DCDC2C: variants seen among roughly 807,000 people sequenced by gnomAD.
DCDC2C encodes the protein doublecortin domain containing 2C, also known as doublecortin domain-containing protein 2C.
A neutral mutation model predicts 45.0 loss-of-function variants in DCDC2C; 44 were observed. The ratio of observed to expected loss-of-function variants is 0.98; its 90% CI spans 0.77 to 1.26. DCDC2C has a LOEUF of 1.26. Ranked by LOEUF, DCDC2C falls within the 50% of genes most tolerant of loss-of-function variation. The pLI, the probability that DCDC2C is intolerant of heterozygous loss-of-function variation, is 0.00. For synonymous variants in DCDC2C, 187 were observed against 178.8 expected (o/e 1.05, Z -0.37); for missense variants, 447 against 468.9 (o/e 0.95, Z 0.43).
At chr2:3,817,617 G>A (rs1572639055) in intron 10 of DCDC2C, among the ~76,000 whole-genome samples, 1 of 152,214 alleles carries the variant, frequency 6.6e-6, no homozygotes, top group East Asian at 1.9e-4. Flanking sequence ...GCAGACATGA[G>A]GGCTAGGCTA....
intron 10 of DCDC2C, among the ~76,000 whole-genome samples, chr2:3,800,163 A>C (rs1311451419): frequency 6.6e-6 from 1 of 152,186 alleles, no homozygotes; most frequent in Non-Finnish European, 1.5e-5. Flanking sequence ...TTCTCTGACT[A>C]GGAAAGGGAA....
At chr2:3,728,565 A>T (rs887291836) in intron 3 of DCDC2C, among the ~76,000 whole-genome samples, 2 of 152,148 alleles carry the variant, frequency 1.3e-5, no homozygotes, top group Non-Finnish European at 2.9e-5. Context: ...TTTTTCAATG[A>T]GAAACCAACA....
intron 10 of DCDC2C, among the ~76,000 whole-genome samples, chr2:3,790,778 C>T (rs965448069): frequency 3.3e-5 from 5 of 152,016 alleles, no homozygotes; most frequent in South Asian, 2.1e-4. Flanking sequence ...TAAGTGGTGT[C>T]GTGGTGAAAT....
chr2:3,742,981 C>T (rs1324725324), intron 4 of DCDC2C, among the ~76,000 whole-genome samples: 1 of 152,150 alleles, frequency 6.6e-6, no homozygotes, highest in Non-Finnish European at 1.5e-5. Context: ...GGGCTCCGGG[C>T]CTGGTGGCTG....
At chr2:3,809,780 C>T (rs1163127258) in intron 10 of DCDC2C, among the ~76,000 whole-genome samples, 1 of 151,966 alleles carries the variant, frequency 6.6e-6, no homozygotes, top group Non-Finnish European at 1.5e-5. Context: ...GTGTGTTGTT[C>T]CCCTCTCTGT....
intron 2 of DCDC2C, among the ~76,000 whole-genome samples, chr2:3,710,920 A>T (rs1045467432): frequency 2.0e-5 from 3 of 152,208 alleles, no homozygotes; most frequent in Non-Finnish European, 2.9e-5. Flanking sequence ...CAATGAATGT[A>T]TGAGTGCATG....
At chr2:3,829,639 TA>T (rs1454804485) in intron 10 of DCDC2C, among the ~76,000 whole-genome samples, 6 of 152,222 alleles carry the variant, frequency 3.9e-5, no homozygotes, top group Non-Finnish European at 1.5e-5. Context: ...CACAATGGTT[TA>T]TTTTTTAATT....
intron 2 of DCDC2C, among the ~76,000 whole-genome samples, chr2:3,712,828 C>T (rs1420559305): frequency 6.6e-6 from 1 of 152,118 alleles, no homozygotes; most frequent in Admixed American, 6.5e-5. Context: ...ATTGGAGAGT[C>T]GTGTCAGTCC....
chr2:3,705,990 TAGAG>T (rs1487233524), intron 1 of DCDC2C, among the ~76,000 whole-genome samples: 1 of 152,182 alleles, frequency 6.6e-6, no homozygotes, highest in Non-Finnish European at 1.5e-5. Context: ...AAGTTCAACA[TAGAG>T]AGCACGTGGG....
At chr2:3,819,936 T>G (rs1671646833) in intron 10 of DCDC2C, among the ~76,000 whole-genome samples, 1 of 152,026 alleles carries the variant, frequency 6.6e-6, no homozygotes, top group South Asian at 2.1e-4. Context: ...GAGGAAGAAT[T>G]GCAACCTGGC....
intron 2 of DCDC2C, among the ~76,000 whole-genome samples, chr2:3,720,124 C>T (rs1668457257): frequency 6.6e-6 from 1 of 152,182 alleles, no homozygotes; most frequent in Non-Finnish European, 1.5e-5. Context: ...GCACTTGTCC[C>T]CTCTGGGGAG....
At chr2:3,711,856 T>TA (rs1242412142) in intron 2 of DCDC2C, among the ~76,000 whole-genome samples, 2 of 152,214 alleles carry the variant, frequency 1.3e-5, no homozygotes, top group African/African-American at 4.8e-5. Context: ...TCTGAAAACT[T>TA]ACATTGCTTC....
intron 4 of DCDC2C, among the ~76,000 whole-genome samples, chr2:3,746,772 G>C (rs2148116375): frequency 6.6e-6 from 1 of 152,340 alleles, no homozygotes; most frequent in Non-Finnish European, 1.5e-5. Flanking sequence ...TGCTGGGGCT[G>C]AGCCAGTGAG....
intron 4 of DCDC2C, among the ~76,000 whole-genome samples, chr2:3,742,591 A>G (rs1338194422): frequency 6.6e-6 from 1 of 152,006 alleles, no homozygotes; most frequent in East Asian, 1.9e-4. Context: ...CACATTCCTA[A>G]CTCCTCAATG....
At chr2:3,748,059 G>A (rs553848567) in intron 4 of DCDC2C, among the ~76,000 whole-genome samples, 42 of 152,304 alleles carry the variant, frequency 2.8e-4, no homozygotes, top group South Asian at 6.2e-4. Flanking sequence ...GGAAGCCACC[G>A]GTGGCAGGGA....
At chr2:3,757,290 A>G (rs1669747060) in intron 6 of DCDC2C, among the ~76,000 whole-genome samples, 1 of 152,176 alleles carries the variant, frequency 6.6e-6, no homozygotes, top group Non-Finnish European at 1.5e-5. Context: ...TTTGGAAAAG[A>G]AGGTACAAAA....
chr2:3,738,013 A>G (rs1479173332), intron 3 of DCDC2C, among the ~76,000 whole-genome samples: 1 of 152,206 alleles, frequency 6.6e-6, no homozygotes, highest in Non-Finnish European at 1.5e-5. Flanking sequence ...ACTCATGCCA[A>G]TGGTAAATAT....
At chr2:3,798,028 G>T (rs1314630414) in intron 10 of DCDC2C, among the ~76,000 whole-genome samples, 2 of 151,924 alleles carry the variant, frequency 1.3e-5, no homozygotes, top group African/African-American at 4.8e-5. Context: ...GGTCACTCAG[G>T]ACTTGCTTTA....
intron 8 of DCDC2C, among the ~76,000 whole-genome samples, chr2:3,776,111 T>C (rs1224212734): frequency 1.3e-5 from 2 of 152,188 alleles, no homozygotes; most frequent in African/African-American, 4.8e-5. Flanking sequence ...AGATGCTGGA[T>C]CCTTTCCCGC....
Sources: gnomAD v4.1 joint callset for allele counts (sites outside exome capture counted in the v4.1 genomes callset) on GRCh38, gnomAD v4.1.1 for gene constraint, MANE v1.5 for transcripts, NCBI Gene and HGNC (gene_info 2026-07-23, HGNC 2026-07-21) for gene names.